DOK6: variants seen among roughly 807,000 people sequenced by gnomAD.
DOK6 encodes docking protein 6.
A neutral mutation model predicts 44.0 loss-of-function variants in DOK6; 22 were observed. That is an observed-to-expected ratio of 0.50 (90% CI 0.36 to 0.71). The LOEUF (loss-of-function observed/expected upper bound fraction) is 0.71, where lower values mean the gene tolerates loss of function less well. DOK6 is among the 30% of genes least tolerant of loss of function. The pLI, the probability that DOK6 is intolerant of heterozygous loss-of-function variation, is 0.00. For missense variants in DOK6, 340 were observed against 416.4 expected (o/e 0.82, Z 1.60); for synonymous variants, 166 against 145.5 (o/e 1.14, Z -1.01).
intron 1 of DOK6, among the ~76,000 whole-genome samples, chr18:69,496,212 G>A (rs1374289651): frequency 6.6e-6 from 1 of 152,200 alleles, no homozygotes; most frequent in Non-Finnish European, 1.5e-5. Flanking sequence ...GGGAGGCCTG[G>A]GTTCACAGGC....
rs148103832 is a variant in DOK6 at position 69,722,599 on chromosome 18, C to T, written c.600-16366C>T. ...CAAGGTCAGTCAAGGTCACGTAAGT[C>T]ATTATTCACGCAACCCTGAATATAA... On this transcript the variant is annotated intron_variant, in intron 5 of 7. Transcript: ENST00000382713. Among the ~76,000 whole-genome samples the T allele has an allele frequency of 1.7e-3, 256 of 152,286 alleles. 1 individual carries two copies. The Middle Eastern group carries it at 0.017, about 10-fold the overall frequency.
At chr18:69,504,856 C>A (rs1307876923) in intron 1 of DOK6, among the ~76,000 whole-genome samples, 2 of 152,280 alleles carry the variant, frequency 1.3e-5, no homozygotes, top group East Asian at 3.9e-4. Flanking sequence ...CCACCAATAT[C>A]TCAGTTTTGT....
chr18:69,464,007 T>C (rs1979860158), intron 1 of DOK6, among the ~76,000 whole-genome samples: 1 of 152,182 alleles, frequency 6.6e-6, no homozygotes, highest in Admixed American at 6.5e-5. Context: ...TGCTCCCTCC[T>C]GTGTTTCCAG....
Position 69,847,207 on chromosome 18 carries a change from T to C in DOK6, c.*5824T>C, listed in dbSNP as rs967696971. 6.6e-6 allele frequency: 1 copy of C among 152,114 alleles called. No homozygotes were observed. The allele number at this position is 152,114 out of a possible 1,614,324, so 9.4% of individuals were successfully genotyped here. A position where few individuals can be genotyped will look rare whatever the true frequency, so the allele number is the denominator to read the frequency against. ...TCCAGTTGTCAGAAGAATGAATGGATTTAAATTTTCTAATCATTATTTTGG... is the reference window on the plus strand; with the variant it reads ...TCCAGTTGTCAGAAGAATGAATGGACTTAAATTTTCTAATCATTATTTTGG... On this transcript the variant is annotated 3_prime_UTR_variant, in exon 8 of 8. Coordinates refer to ENST00000382713, the MANE Select transcript of DOK6 (RefSeq NM_152721.6).
intron 7 of DOK6, among the ~76,000 whole-genome samples, chr18:69,790,461 C>A (rs1980561426): frequency 6.6e-6 from 1 of 152,014 alleles, no homozygotes; most frequent in South Asian, 2.1e-4. Context: ...TTCTGAGAAC[C>A]ACTAAATTAT....
At chr18:69,408,370 C>T (rs138723753) in intron 1 of DOK6, among the ~76,000 whole-genome samples, 117 of 151,304 alleles carry the variant, frequency 7.7e-4, no homozygotes, top group Middle Eastern at 3.4e-3. Flanking sequence ...GATACTTGTC[C>T]AGGCCACACT....
At chr18:69,756,893 C>T (rs1003701002) in intron 6 of DOK6, among the ~76,000 whole-genome samples, 2 of 152,172 alleles carry the variant, frequency 1.3e-5, no homozygotes, top group South Asian at 4.1e-4. Context: ...GAGGATTGCT[C>T]ATTGTCTGTC....
At chr18:69,588,016 G>A (rs1983545564) in intron 2 of DOK6, among the ~76,000 whole-genome samples, 1 of 152,052 alleles carries the variant, frequency 6.6e-6, no homozygotes, top group Non-Finnish European at 1.5e-5. Flanking sequence ...ATAACTTCTT[G>A]TTTTAGCTGG....
intron 7 of DOK6, among the ~76,000 whole-genome samples, chr18:69,771,433 C>T (rs1979883840): frequency 6.6e-6 from 1 of 151,924 alleles, no homozygotes; most frequent in African/African-American, 2.4e-5. Context: ...CATGCTGTAC[C>T]TTATCCTTTG....
chr18:69,599,596 A>C, intron 3 of DOK6, 98 bp downstream of exon 3: 1 of 892,934 alleles, frequency 1.1e-6, no homozygotes, highest in Non-Finnish European at 1.7e-6. Flanking sequence ...AGGATGGCCT[A>C]CTGTCATGAG....
At chr18:69,649,122 A>C (rs1227526283) in intron 3 of DOK6, among the ~76,000 whole-genome samples, 2 of 152,194 alleles carry the variant, frequency 1.3e-5, no homozygotes, top group Admixed American at 6.5e-5. Flanking sequence ...GTCCATTCCC[A>C]AGAACACACG....
intron 1 of DOK6, among the ~76,000 whole-genome samples, chr18:69,467,454 A>G (rs940695831): frequency 2.0e-5 from 3 of 152,166 alleles, no homozygotes; most frequent in African/African-American, 4.8e-5. Context: ...GTCCTATACT[A>G]TAGGAAGTAT....
At chr18:69,691,349 T>C (rs1986263087) in intron 4 of DOK6, among the ~76,000 whole-genome samples, 1 of 152,186 alleles carries the variant, frequency 6.6e-6, no homozygotes. Context: ...GAAAGTCTTT[T>C]ATAGGAGAAG....
chr18:69,429,870 G>A (rs913497986), intron 1 of DOK6, among the ~76,000 whole-genome samples: 1 of 151,720 alleles, frequency 6.6e-6, no homozygotes, highest in African/African-American at 2.4e-5. Context: ...TTTTTCCAAA[G>A]ATAAATTGGT....
rs557969770 is a variant in DOK6, at chr18:69,465,440, A to G, written c.66+64130A>G. 6.1e-3 allele frequency among the ~76,000 whole-genome samples: 922 copies of G among 151,650 alleles called. 3 individuals are homozygous for G. Among genetic ancestry groups the G allele is most frequent in the Non-Finnish European group, 9.5e-3 (643 of 67,690 alleles). On this transcript the variant is annotated intron_variant, in intron 1 of 7. Transcript: ENST00000382713. ...CATTTAGCATTAGGTATATCTCCTA[A>G]AGCTATCCCTCCCCGCTCCCCCCAC...
In DOK6 at chr18:69,644,327, C is replaced by G. The variant is rs150479241; in HGVS notation, c.290-33407C>G. On this transcript the variant is annotated intron_variant, in intron 3 of 7. Coordinates refer to ENST00000382713, the MANE Select transcript of DOK6 (RefSeq NM_152721.6). ...ATTCTTTTAATGCCAAATCTAAGAA[C>G]TCTTTGCGTACTCTTAATTCCTAAA... Among the ~76,000 whole-genome samples the G allele has an allele frequency of 2.7e-3, 415 of 152,254 alleles. 4 individuals carry two copies. Among genetic ancestry groups the G allele is most frequent in the African/African-American group, 9.8e-3 (406 of 41,546 alleles).
chr18:69,755,458 C>T (rs975992571), intron 6 of DOK6, among the ~76,000 whole-genome samples: 8 of 152,134 alleles, frequency 5.3e-5, no homozygotes, highest in African/African-American at 1.2e-4. Context: ...GTAGGCAGAA[C>T]GGTGATTAAT....
intron 5 of DOK6, among the ~76,000 whole-genome samples, chr18:69,708,279 G>A (rs1462046692): frequency 6.6e-6 from 1 of 152,110 alleles, no homozygotes; most frequent in Non-Finnish European, 1.5e-5. Flanking sequence ...AATGTGCCTA[G>A]GGCAATATTG....
intron 1 of DOK6, among the ~76,000 whole-genome samples, chr18:69,528,187 C>T (rs1376527708): frequency 6.7e-6 from 1 of 149,722 alleles, no homozygotes; most frequent in African/African-American, 2.4e-5. Context: ...AAAAGCTTCA[C>T]CTTACAGATG....
Sources: gnomAD v4.1 joint callset for allele counts (sites outside exome capture counted in the v4.1 genomes callset) on GRCh38, gnomAD v4.1.1 for gene constraint, MANE v1.5 for transcripts, NCBI Gene and HGNC (gene_info 2026-07-23, HGNC 2026-07-21) for gene names.